MTAP: variants seen among roughly 807,000 people sequenced by gnomAD.
MTAP encodes the protein methylthioadenosine phosphorylase.
A neutral mutation model predicts 33.6 loss-of-function variants in MTAP; 33 were observed. That is an observed-to-expected ratio of 0.98 (90% CI 0.74 to 1.31). The LOEUF is 1.31. MTAP is among the 40% of genes most tolerant of loss of function. The pLI, the probability that MTAP is intolerant of heterozygous loss-of-function variation, is 0.00. For missense variants in MTAP, 367 were observed against 360.0 expected (o/e 1.02, Z -0.16); for synonymous variants, 148 against 125.7 (o/e 1.18, Z -1.19).
At chr9:21,818,234 T>C (rs201172777) in intron 4 of MTAP, 32 bp downstream of exon 4, 43 of 1,607,778 alleles carry the variant, frequency 2.7e-5, no homozygotes, top group Middle Eastern at 1.7e-4. Flanking sequence ...TTTAGGCTAT[T>C]GTAGCTGGTC....
chr9:21,868,263 A>G (rs1355945852), downstream of MTAP, among the ~76,000 whole-genome samples: 3 of 152,224 alleles, frequency 2.0e-5, no homozygotes, highest in Admixed American at 2.0e-4. Context: ...GATAAAATAT[A>G]TGATTCTTGG....
At position 21,914,377 on chromosome 9, in the gene MTAP, G is replaced by A. The variant is rs145444781; in HGVS notation, c.148-16631G>A. On this transcript the variant is annotated intron_variant, in intron 1 of 1. Coordinates refer to the MTAP transcript ENST00000577563. ...TTCACAATAGCAAAGACTTGGAACC[G>A]ACCCAAATGTCCATCAATGATAGAC... Among the ~76,000 whole-genome samples the A allele has an allele frequency of 4.0e-3, 603 of 152,054 alleles. 7 individuals are homozygous for A. Among genetic ancestry groups the A allele is most frequent in the African/African-American group, 0.013 (536 of 41,480 alleles).
intron 1 of MTAP, among the ~76,000 whole-genome samples, chr9:21,881,147 A>G (rs1292577416): frequency 6.6e-6 from 1 of 152,102 alleles, no homozygotes; most frequent in Non-Finnish European, 1.5e-5. Flanking sequence ...TGCCAAAATC[A>G]CTCAACAGGC....
chr9:21,915,072 C>CT (rs1231756457), intron 1 of MTAP, among the ~76,000 whole-genome samples: 3 of 124,360 alleles, frequency 2.4e-5, no homozygotes, highest in African/African-American at 1.2e-4. Flanking sequence ...TTCTTTCTTT[C>CT]TTTCTTTCTT....
At chr9:21,880,097 A>G (rs1485521822) in intron 1 of MTAP, among the ~76,000 whole-genome samples, 2 of 152,304 alleles carry the variant, frequency 1.3e-5, no homozygotes, top group South Asian at 2.1e-4. Flanking sequence ...CTAAATTTAT[A>G]TATTGATGGC....
intron 1 of MTAP, among the ~76,000 whole-genome samples, chr9:21,901,940 A>C (rs1022894330): frequency 1.4e-4 from 21 of 152,336 alleles, no homozygotes; most frequent in African/African-American, 4.1e-4. Flanking sequence ...AAAAAGGAAA[A>C]TATGACAAAT....
At position 21,863,691 on chromosome 9, in the gene MTAP, T is replaced by C. The variant is rs1320895179; in HGVS notation, c.*1677T>C. The C allele has an allele frequency of 8.1e-6, 8 of 985,718 alleles. No homozygotes were observed. Among genetic ancestry groups the C allele is most frequent in the Non-Finnish European group, 9.6e-6 (8 of 829,944 alleles). The allele number at this position is 985,718 out of a possible 1,614,324, so 61.1% of individuals were successfully genotyped here. On this transcript the variant is annotated 3_prime_UTR_variant, in exon 8 of 8. Coordinates refer to ENST00000644715, the MANE Select transcript of MTAP (RefSeq NM_002451.4). ...TTTTATCATGGGGAGATCTTTTTCC[T>C]CAGAATTGTTTTCTTTTCACTGTAG...
intron 1 of MTAP, among the ~76,000 whole-genome samples, chr9:21,917,203 T>C (rs1036895971): frequency 2.0e-5 from 3 of 152,204 alleles, no homozygotes; most frequent in Non-Finnish European, 4.4e-5. Context: ...TAGAAGCCTA[T>C]TTAATACCCA....
intron 5 of MTAP, among the ~76,000 whole-genome samples, chr9:21,851,105 G>T (rs561396524): frequency 6.6e-6 from 1 of 152,264 alleles, no homozygotes; most frequent in South Asian, 2.1e-4. Flanking sequence ...TGTAATTAAG[G>T]TCATTGGGAA....
intron 5 of MTAP, among the ~76,000 whole-genome samples, chr9:21,852,192 T>C (rs7042302): frequency 0.24 from 36,194 of 151,778 alleles, 5,595 homozygotes; most frequent in African/African-American, 0.44. Context: ...GGAGCTAAGC[T>C]ATGGGGATGC....
At chr9:21,858,315 T>A (rs551598376) in intron 6 of MTAP, among the ~76,000 whole-genome samples, 36 of 152,186 alleles carry the variant, frequency 2.4e-4, no homozygotes, top group Non-Finnish European at 4.9e-4. Flanking sequence ...CATATTGAAA[T>A]CTGTATTAGT....
At chr9:21,919,302 A>G (rs1229025611) in intron 1 of MTAP, among the ~76,000 whole-genome samples, 1 of 152,188 alleles carries the variant, frequency 6.6e-6, no homozygotes, top group Non-Finnish European at 1.5e-5. Context: ...AATGTTGTTC[A>G]TCTACTTCCC....
intron 1 of MTAP, among the ~76,000 whole-genome samples, chr9:21,924,326 G>A (rs559208582): frequency 1.2e-4 from 19 of 152,218 alleles, no homozygotes; most frequent in African/African-American, 4.6e-4. Flanking sequence ...AGAACTGAAA[G>A]TTTGACCCCA....
chr9:21,897,088 A>G (rs1431340258), intron 1 of MTAP, among the ~76,000 whole-genome samples: 1 of 152,214 alleles, frequency 6.6e-6, no homozygotes, highest in African/African-American at 2.4e-5. Flanking sequence ...ATGCAAATCA[A>G]TAAACGTAAT....
At chr9:21,940,445 G>A (rs1355751794), downstream of MTAP, among the ~76,000 whole-genome samples, 1 of 152,154 alleles carries the variant, frequency 6.6e-6, no homozygotes, top group Non-Finnish European at 1.5e-5. Context: ...GAAAACTATA[G>A]CACACCCATT....
rs143875249 is a variant in MTAP, at chr9:21,924,454, G to A, written c.148-6554G>A. On this transcript the variant is annotated intron_variant, in intron 1 of 1. Coordinates refer to the MTAP transcript ENST00000577563. ...AGCATAAATTTTAAATTTTTAATAT[G>A]CTCTATCAGCTAGATCTGTTTTGCC... Among the ~76,000 whole-genome samples, 802 of 152,306 alleles carry A rather than the reference G, an allele frequency of 5.3e-3. 5 individuals carry two copies. The highest frequency in any genetic ancestry group is 0.019 in the African/African-American group (781 of 41,568).
intron 1 of MTAP, among the ~76,000 whole-genome samples, chr9:21,874,189 C>G (rs1341579632): frequency 2.0e-5 from 3 of 152,206 alleles, no homozygotes; most frequent in Non-Finnish European, 4.4e-5. Flanking sequence ...GAACCCCTGT[C>G]TGCCACCCGG....
At chr9:21,849,701 G>A (rs1056818995) in intron 5 of MTAP, among the ~76,000 whole-genome samples, 6 of 152,204 alleles carry the variant, frequency 3.9e-5, no homozygotes, top group Non-Finnish European at 5.9e-5. Flanking sequence ...CTTGAAAGAC[G>A]CAGGGATGGT....
At chr9:21,854,904 TG>T (rs1825601376) in intron 6 of MTAP, 34 bp downstream of exon 6, 1 of 1,607,940 alleles carries the variant, frequency 6.2e-7, no homozygotes, top group Admixed American at 1.7e-5. Context: ...ACATATAGCA[TG>T]GGTTTCTGGG....
Sources: allele counts gnomAD v4.1 joint callset (sites outside exome capture counted in the v4.1 genomes callset), GRCh38; gene constraint gnomAD v4.1.1; transcripts MANE v1.5; gene names NCBI Gene and HGNC (gene_info 2026-07-23, HGNC 2026-07-21).